Variants in ZPLD1 observed in about 807,000 individuals in gnomAD.
The protein encoded by ZPLD1 is zona pellucida-like domain-containing protein 1.
ZPLD1 carries 34 observed loss-of-function variants against 47.2 expected under a neutral mutation model. The ratio of observed to expected loss-of-function variants is 0.72; its 90% CI spans 0.55 to 0.96. ZPLD1 has a LOEUF of 0.96. ZPLD1 is among the 40% of genes least tolerant of loss of function. The probability of loss-of-function intolerance (pLI) is 0.00; values close to 1 mark genes in which losing one functional copy is unlikely to be tolerated. For synonymous variants in ZPLD1, 176 were observed against 186.2 expected, an observed-to-expected ratio of 0.95 and a Z score of 0.45; for missense variants, 512 against 505.8, an observed-to-expected ratio of 1.01 and a Z score of -0.12.
intron 10 of ZPLD1, among the ~76,000 whole-genome samples, chr3:102,475,744 T>C (rs1476682336): frequency 6.6e-6 from 1 of 152,140 alleles, no homozygotes; most frequent in Non-Finnish European, 1.5e-5. Flanking sequence ...AAGAACCCTA[T>C]GAATGAGTGC....
rs1211126564 is a variant in ZPLD1 at position 102,463,883 on chromosome 3, C to CAAAA, written c.681-273_681-270dup. On this transcript the variant is annotated intron_variant, in intron 7 of 11. Coordinates refer to ENST00000466937, the MANE Select transcript of ZPLD1 (RefSeq NM_001329788.2). The stretch of plus-strand genomic sequence containing the variant: ...TGAAACCCCGTCTCTATTAAAAATA[C>CAAAA]AAAAAAAAAAAAAAAAAATAGCCGG... Among the ~76,000 whole-genome samples the CAAAA allele has an allele frequency of 6.6e-3, 729 of 110,144 alleles. 3 individuals carry two copies. Among genetic ancestry groups the CAAAA allele is most frequent in the African/African-American group, 0.011 (340 of 29,852 alleles). The allele number at this position is 110,144 out of a possible 152,430, so 72.3% of individuals were successfully genotyped here. A position where few individuals can be genotyped will look rare whatever the true frequency, so the allele number is the denominator to read the frequency against.
intron 5 of ZPLD1, among the ~76,000 whole-genome samples, chr3:102,457,065 G>C (rs946572567): frequency 1.3e-5 from 2 of 152,176 alleles, no homozygotes; most frequent in African/African-American, 2.4e-5. Context: ...GACAAAATGG[G>C]ATGATTAAGC....
At chr3:102,468,918 T>C in intron 8 of ZPLD1, 46 bp from the exon 9 acceptor site, 2 of 1,562,786 alleles carry the variant, frequency 1.3e-6, no homozygotes, top group Non-Finnish European at 1.7e-6. Context: ...CCCAGTAGGT[T>C]GGTACTTTCC....
intron 3 of ZPLD1, 52 bp from the exon 4 acceptor site, chr3:102,452,867 T>C: frequency 6.3e-7 from 1 of 1,583,080 alleles, no homozygotes; most frequent in Non-Finnish European, 8.6e-7. Flanking sequence ...TAATGTTATT[T>C]ATCTTTCTGC....
Position 102,457,690 on chromosome 3 carries a change from T to C in ZPLD1, c.510-91T>C. On this transcript the variant is annotated intron_variant, in intron 5 of 11. Transcript: ENST00000466937. ...ATAATTAACAGTATGTCAGAATTAT[T>C]CAGGAGTTTTAGTGCTTTAAGTCTA... 5 of 1,092,574 alleles carry C rather than the reference T, an allele frequency of 4.6e-6. 1 individual carries two copies. Among genetic ancestry groups the C allele is most frequent in the South Asian group, 3.9e-5 (3 of 77,354 alleles). The allele number at this position is 1,092,574 out of a possible 1,614,324, so 67.7% of individuals were successfully genotyped here. A position where few individuals can be genotyped will look rare whatever the true frequency, so the allele number is the denominator to read the frequency against.
chr3:102,399,839 G>C (rs1480241530), intron 7 of ZPLD1, among the ~76,000 whole-genome samples: 1 of 151,978 alleles, frequency 6.6e-6, no homozygotes, highest in Admixed American at 6.6e-5. Context: ...TTTATTTTGT[G>C]ATAGAGTCTC....
At chr3:102,406,313 G>A (rs1706684470) in intron 7 of ZPLD1, among the ~76,000 whole-genome samples, 1 of 151,880 alleles carries the variant, frequency 6.6e-6, no homozygotes, top group South Asian at 2.1e-4. Flanking sequence ...CTTTTCTATG[G>A]CATAAGCTTG....
intron 7 of ZPLD1, among the ~76,000 whole-genome samples, chr3:102,462,717 C>T (rs372716723): frequency 6.6e-6 from 1 of 151,958 alleles, no homozygotes; most frequent in East Asian, 1.9e-4. Flanking sequence ...GATTTGCTTG[C>T]TTTTCCATAT....
intron 8 of ZPLD1, 64 bp from the exon 9 acceptor site, chr3:102,468,900 T>G: frequency 6.7e-7 from 1 of 1,491,004 alleles, no homozygotes; most frequent in Non-Finnish European, 9.1e-7. Context: ...AGAAATTAAT[T>G]TACAAGTCCC....
At chr3:102,439,337 T>C (rs1463951643) in intron 3 of ZPLD1, among the ~76,000 whole-genome samples, 1 of 152,230 alleles carries the variant, frequency 6.6e-6, no homozygotes, top group African/African-American at 2.4e-5. Flanking sequence ...GAGCATGCTA[T>C]GAAACAGCAA....
rs1707795650 is a variant in ZPLD1, at chr3:102,478,675, C to G, written c.*1057C>G. 6.6e-6 allele frequency: 1 copy of G among 152,062 alleles called. No homozygotes were observed. The highest frequency in any genetic ancestry group is 1.5e-5 in the Non-Finnish European group (1 of 68,024). The allele number at this position is 152,062 out of a possible 1,614,324, so 9.4% of individuals were successfully genotyped here. A position where few individuals can be genotyped will look rare whatever the true frequency, so the allele number is the denominator to read the frequency against. ...TATCTTCTTGTAGGTGTCATAATTG[C>G]CATGAATAAACAATATTTTCCTCTA... On this transcript the variant is annotated 3_prime_UTR_variant, in exon 12 of 12. Transcript: ENST00000466937.
At chr3:102,415,471 A>C (rs900250463) in intron 7 of ZPLD1, among the ~76,000 whole-genome samples, 13 of 151,830 alleles carry the variant, frequency 8.6e-5, no homozygotes, top group Admixed American at 7.2e-4. Flanking sequence ...AAAGCAAAAA[A>C]AGGAGCTCTG....
At position 102,466,552 on chromosome 3, in the gene ZPLD1, A is replaced by G. The variant is rs80064942; in HGVS notation, c.761+2301A>G. Among the ~76,000 whole-genome samples the G allele has an allele frequency of 2.2e-3, 342 of 152,332 alleles. 2 individuals are homozygous for G. The highest frequency in any genetic ancestry group is 7.8e-3 in the African/African-American group (326 of 41,568). On this transcript the variant is annotated intron_variant, in intron 8 of 11. Coordinates refer to ENST00000466937, the MANE Select transcript of ZPLD1 (RefSeq NM_001329788.2). ...AAAGCAAAAAGCATCATGGTTATGA[A>G]GATAGAATTATGAGAACTTAGGTAA... is the stretch of plus-strand genomic sequence containing the variant.
upstream of ZPLD1, among the ~76,000 whole-genome samples, chr3:102,431,932 A>C (rs62274735): frequency 0.36 from 54,604 of 152,026 alleles, 10,241 homozygotes; most frequent in Middle Eastern, 0.47. Flanking sequence ...ACAAAAAACA[A>C]TAATGATTTT....
chr3:102,440,304 T>C (rs1707156079), intron 3 of ZPLD1, among the ~76,000 whole-genome samples: 1 of 152,172 alleles, frequency 6.6e-6, no homozygotes. Flanking sequence ...AGAAATATCC[T>C]GAAGGCAGTG....
At chr3:102,473,274 TAAA>T in intron 10 of ZPLD1, among the ~76,000 whole-genome samples, 2 of 152,300 alleles carry the variant, frequency 1.3e-5, no homozygotes, top group East Asian at 3.9e-4. Context: ...CCAGTAAAGA[TAAA>T]TAAGTAGAAG....
chr3:102,420,710 C>T (rs1182663128), intron 8 of ZPLD1, among the ~76,000 whole-genome samples: 3 of 120,182 alleles, frequency 2.5e-5, no homozygotes, highest in African/African-American at 7.7e-5. Context: ...GTTTACCAAT[C>T]CCTTGGTTTA....
intron 6 of ZPLD1, among the ~76,000 whole-genome samples, chr3:102,459,401 T>C (rs181886523): frequency 1.3e-4 from 20 of 152,272 alleles, no homozygotes; most frequent in Non-Finnish European, 2.8e-4. Context: ...GATACTATTA[T>C]TTTCTGTGAA....
intron 6 of ZPLD1, among the ~76,000 whole-genome samples, chr3:102,385,630 ACT>A (rs1706416722): frequency 2.0e-5 from 3 of 152,236 alleles, no homozygotes; most frequent in African/African-American, 4.8e-5. Flanking sequence ...AGTGAAGACT[ACT>A]GAGTTATAGC....
Sources: allele counts gnomAD v4.1 joint callset (sites outside exome capture counted in the v4.1 genomes callset), GRCh38; gene constraint gnomAD v4.1.1; transcripts MANE v1.5; gene names NCBI Gene and HGNC (gene_info 2026-07-23, HGNC 2026-07-21).